The following NPAS3 variants were observed in gnomAD, a reference collection of about 807,000 sequenced individuals.
NPAS3 encodes neuronal PAS domain-containing protein 3.
Under a neutral mutation model 73.1 loss-of-function variants are expected in NPAS3, and 14 were observed. The observed-to-expected ratio is 0.19, with a 90% CI of 0.13 to 0.30. NPAS3 has a LOEUF of 0.30. Among genes scored for constraint, NPAS3 ranks in the 10% least tolerant of loss-of-function variants. The pLI is 1.00. For missense variants in NPAS3, 1,096 were observed against 1,250.0 expected (o/e 0.88, Z 1.86); for synonymous variants, 620 against 541.5 (o/e 1.14, Z -2.01).
chr14:33,330,452 G>A (rs1019486487), intron 3 of NPAS3, among the ~76,000 whole-genome samples: 13 of 152,072 alleles, frequency 8.5e-5, no homozygotes, highest in Admixed American at 7.2e-4. Context: ...GTGAGATAAC[G>A]TCAAGCAGCA....
chr14:33,214,212 G>T lies in NPAS3; in HGVS notation c.141-970G>T, dbSNP rs990747308. On this transcript the variant is annotated intron_variant, in intron 2 of 11. Transcript: ENST00000356141. ...TGATTTTTAAATTTATTTCTCATCA[G>T]ACACAATACAGAGCAATTCAGAGCA... The T allele has an allele frequency of 3.9e-5, 6 of 152,200 alleles. No homozygotes were observed. The East Asian group carries it at 1.2e-3, about 29-fold the overall frequency. 9.4% of individuals were successfully genotyped at this position (152,200 alleles called of 1,614,324 possible).
intron 5 of NPAS3, among the ~76,000 whole-genome samples, chr14:33,653,362 G>T (rs1372346232): frequency 6.6e-6 from 1 of 152,168 alleles, no homozygotes; most frequent in South Asian, 2.1e-4. Context: ...CTGTATATTT[G>T]GTTGTTAGAC....
chr14:33,290,865 G>A (rs767852901), intron 3 of NPAS3, among the ~76,000 whole-genome samples: 8 of 152,188 alleles, frequency 5.3e-5, no homozygotes, highest in Non-Finnish European at 8.8e-5. Context: ...AATACAGTAA[G>A]TTTAAAGCGG....
intron 1 of NPAS3, among the ~76,000 whole-genome samples, chr14:32,954,207 C>T (rs1027936172): frequency 1.1e-4 from 16 of 152,226 alleles, no homozygotes; most frequent in African/African-American, 2.2e-4. Context: ...AGGTTTGTTT[C>T]GGTTTAGCTG....
intron 2 of NPAS3, among the ~76,000 whole-genome samples, chr14:33,169,542 TG>T (rs1320316010): frequency 6.6e-6 from 1 of 152,202 alleles, no homozygotes; most frequent in Non-Finnish European, 1.5e-5. Context: ...TACTCCAGCC[TG>T]GGTGACAGAG....
chr14:33,263,575 T>C (rs1306421257), intron 3 of NPAS3, among the ~76,000 whole-genome samples: 4 of 152,210 alleles, frequency 2.6e-5, no homozygotes, highest in African/African-American at 9.6e-5. Flanking sequence ...CTTTGTTCTT[T>C]TGGCTTAGGA....
intron 4 of NPAS3, among the ~76,000 whole-genome samples, chr14:33,510,753 C>T (rs1381569430): frequency 6.6e-6 from 1 of 152,038 alleles, no homozygotes; most frequent in Non-Finnish European, 1.5e-5. Context: ...TACCGCTTTC[C>T]CCTTCTAAGG....
chr14:32,941,168 T>A (rs10149132), intron 1 of NPAS3, among the ~76,000 whole-genome samples: 123,985 of 142,894 alleles, frequency 0.87, 54,588 homozygotes, highest in Middle Eastern at 0.96. Flanking sequence ...TTTTGAAATC[T>A]GAGGTTTATA....
chr14:32,988,156 T>G (rs1352752573), intron 1 of NPAS3, among the ~76,000 whole-genome samples: 1 of 152,194 alleles, frequency 6.6e-6, no homozygotes, highest in Non-Finnish European at 1.5e-5. Flanking sequence ...TGCCTATATA[T>G]TTAAGAATCA....
At chr14:33,024,295 C>T (rs2039720488) in intron 1 of NPAS3, among the ~76,000 whole-genome samples, 1 of 151,894 alleles carries the variant, frequency 6.6e-6, no homozygotes, top group South Asian at 2.1e-4. Context: ...CCTCAGCCTG[C>T]AGAGTAGCTG....
At chr14:33,570,780 A>G (rs935328869) in intron 5 of NPAS3, among the ~76,000 whole-genome samples, 2 of 152,236 alleles carry the variant, frequency 1.3e-5, no homozygotes, top group African/African-American at 4.8e-5. Context: ...TGATATGTTT[A>G]TCCTTTCATT....
At chr14:33,574,380 C>T (rs185562713) in intron 5 of NPAS3, among the ~76,000 whole-genome samples, 11 of 152,174 alleles carry the variant, frequency 7.2e-5, no homozygotes, top group African/African-American at 2.6e-4. Flanking sequence ...GGTCAAGTGT[C>T]CGAAAGCTAA....
intron 4 of NPAS3, among the ~76,000 whole-genome samples, chr14:33,547,853 G>A (rs2139677796): frequency 6.6e-6 from 1 of 152,244 alleles, no homozygotes; most frequent in East Asian, 1.9e-4. Flanking sequence ...AGTTGTCAGG[G>A]GGATTCATTC....
chr14:33,800,939 C>G lies in NPAS3; in HGVS notation c.2632C>G (p.Arg878Gly). Reference sequence around the variant, plus strand: ...GGAGATGCTCTACCACCACGTGCACCGGCTCAACATGTCAGGACCGTTCGG... The same window carrying G: ...GGAGATGCTCTACCACCACGTGCACGGGCTCAACATGTCAGGACCGTTCGG... The change falls in exon 12 of 12, where the codon CGG (arginine) becomes GGG (glycine). Residue 878 changes from arginine (R) to glycine (G), a missense_variant. Physicochemically the swap from Arg to Gly is moderately radical, Grantham distance 125. This residue lies in a region of NPAS3 where 698 missense variants were observed against 676.7 expected (regional missense o/e 1.03). Coordinates refer to ENST00000356141, the Ensembl canonical transcript of NPAS3. The surrounding 1 kb of genome is among the most constrained non-coding windows in gnomAD (Gnocchi z 6.5). 1 of 1,607,080 alleles carries G rather than the reference C, an allele frequency of 6.2e-7. No individual in the cohort carries two copies. Among genetic ancestry groups the G allele is most frequent in the Non-Finnish European group, 8.5e-7 (1 of 1,177,324 alleles).
At chr14:32,959,019 G>A (rs1363637252) in intron 1 of NPAS3, among the ~76,000 whole-genome samples, 1 of 152,106 alleles carries the variant, frequency 6.6e-6, no homozygotes, top group East Asian at 1.9e-4. Flanking sequence ...TAGCTGATGA[G>A]CTAATAAACA....
At chr14:33,515,394 A>G (rs1391890378) in intron 4 of NPAS3, among the ~76,000 whole-genome samples, 4 of 152,106 alleles carry the variant, frequency 2.6e-5, no homozygotes, top group African/African-American at 9.7e-5. Context: ...TTGCTACTAA[A>G]ACACTTATTA....
intron 2 of NPAS3, among the ~76,000 whole-genome samples, chr14:33,186,125 T>C (rs1429708098): frequency 2.6e-5 from 4 of 152,288 alleles, no homozygotes; most frequent in South Asian, 4.1e-4. Flanking sequence ...TCACTCTTGA[T>C]CTTCATTTTT....
intron 4 of NPAS3, among the ~76,000 whole-genome samples, chr14:33,403,138 G>A (rs556839569): frequency 1.3e-5 from 2 of 152,112 alleles, no homozygotes; most frequent in Non-Finnish European, 2.9e-5. Flanking sequence ...TATCAGTATT[G>A]CATTTCCCTA....
chr14:33,457,734 C>A (rs1233846880), intron 4 of NPAS3, among the ~76,000 whole-genome samples: 3 of 152,154 alleles, frequency 2.0e-5, no homozygotes, highest in African/African-American at 7.2e-5. Flanking sequence ...CTCGCTGTAG[C>A]CTTGCCCTTA....
Sources: gnomAD v4.1 joint callset for allele counts (sites outside exome capture counted in the v4.1 genomes callset) on GRCh38, gnomAD v4.1.1 for gene constraint, gnomAD v4.1.1 regional missense constraint, Gnocchi (gnomAD v3.1) non-coding constraint, MANE v1.5 for transcripts, NCBI Gene and HGNC (gene_info 2026-07-23, HGNC 2026-07-21) for gene names.